ST6GALNAC3: variants seen among roughly 807,000 people sequenced by gnomAD.
ST6GALNAC3 encodes ST6 N-acetylgalactosaminide alpha-2,6-sialyltransferase 3.
In ST6GALNAC3, 25 loss-of-function variants were observed where a neutral mutation model predicts 32.7. The observed-to-expected ratio is 0.76, with a 90% CI of 0.56 to 1.07. ST6GALNAC3 has a LOEUF of 1.07. ST6GALNAC3 is among the 50% of genes least tolerant of loss of function. The probability of loss-of-function intolerance (pLI) is 0.00; values close to 1 mark genes in which losing one functional copy is unlikely to be tolerated. For synonymous variants in ST6GALNAC3, 129 were observed against 133.1 expected (o/e 0.97, Z 0.21); for missense variants, 355 against 382.4 (o/e 0.93, Z 0.60).
intron 1 of ST6GALNAC3, among the ~76,000 whole-genome samples, chr1:76,250,765 A>G (rs534851429): frequency 1.1e-4 from 16 of 152,270 alleles, no homozygotes; most frequent in Non-Finnish European, 1.6e-4. Context: ...CTGCCCTGTG[A>G]AGCATCTATG....
At chr1:76,578,156 A>T (rs903242568) in intron 3 of ST6GALNAC3, among the ~76,000 whole-genome samples, 2 of 152,072 alleles carry the variant, frequency 1.3e-5, no homozygotes, top group African/African-American at 2.4e-5. Context: ...CATGCCACAT[A>T]TTTGGCTTGC....
intron 1 of ST6GALNAC3, among the ~76,000 whole-genome samples, chr1:76,133,666 C>T (rs958756103): frequency 1.3e-4 from 20 of 152,240 alleles, no homozygotes; most frequent in African/African-American, 4.6e-4. Context: ...CTTTGGCAAA[C>T]CTGCTGACTT....
intron 1 of ST6GALNAC3, among the ~76,000 whole-genome samples, chr1:76,131,337 T>C (rs962245560): frequency 6.6e-6 from 1 of 152,220 alleles, no homozygotes; most frequent in African/African-American, 2.4e-5. Context: ...AAACCTGACT[T>C]GGGCTTGCTG....
At chr1:76,197,919 T>G (rs1654297018) in intron 1 of ST6GALNAC3, among the ~76,000 whole-genome samples, 1 of 152,244 alleles carries the variant, frequency 6.6e-6, no homozygotes. Flanking sequence ...TTTTGACAAC[T>G]AAAATGGTCT....
intron 1 of ST6GALNAC3, among the ~76,000 whole-genome samples, chr1:76,149,590 C>T (rs1310184405): frequency 6.6e-6 from 1 of 152,192 alleles, no homozygotes; most frequent in East Asian, 1.9e-4. Context: ...TCTATCAGCT[C>T]ACATAGCTGT....
At chr1:76,243,828 C>T (rs896208057) in intron 1 of ST6GALNAC3, among the ~76,000 whole-genome samples, 32 of 152,110 alleles carry the variant, frequency 2.1e-4, no homozygotes, top group African/African-American at 6.8e-4. Context: ...GGTACCAGTA[C>T]CATGCTGTTT....
chr1:76,299,057 TA>T (rs1660577281), intron 1 of ST6GALNAC3, among the ~76,000 whole-genome samples: 1 of 152,018 alleles, frequency 6.6e-6, no homozygotes, highest in South Asian at 2.1e-4. Flanking sequence ...ATAAAATGCA[TA>T]AAAATGTCAA....
chr1:76,433,409 G>T (rs539034331), intron 3 of ST6GALNAC3, among the ~76,000 whole-genome samples: 27 of 152,258 alleles, frequency 1.8e-4, no homozygotes, highest in African/African-American at 6.5e-4. Flanking sequence ...AGTTAACACA[G>T]TGGGTGGTGG....
At chr1:76,530,866 A>G (rs529863716) in intron 3 of ST6GALNAC3, among the ~76,000 whole-genome samples, 1 of 152,308 alleles carries the variant, frequency 6.6e-6, no homozygotes, top group East Asian at 1.9e-4. Context: ...ATTCTAGTCA[A>G]GACAACAAGG....
At chr1:76,103,624 C>T (rs1647329695) in intron 1 of ST6GALNAC3, among the ~76,000 whole-genome samples, 1 of 152,144 alleles carries the variant, frequency 6.6e-6, no homozygotes. Context: ...TATTCTCTCA[C>T]TGTTCAGGAG....
intron 2 of ST6GALNAC3, among the ~76,000 whole-genome samples, chr1:76,344,791 T>C (rs1240078030): frequency 6.6e-6 from 1 of 152,224 alleles, no homozygotes; most frequent in Non-Finnish European, 1.5e-5. Context: ...ATATCATTCT[T>C]GGGTACTTCC....
At chr1:76,515,607 T>C (rs1440510820) in intron 3 of ST6GALNAC3, among the ~76,000 whole-genome samples, 3 of 152,206 alleles carry the variant, frequency 2.0e-5, no homozygotes, top group Admixed American at 6.5e-5. Context: ...TTTGGTATGA[T>C]GTGTTTCCAT....
At chr1:76,530,521 G>A (rs749514183) in intron 3 of ST6GALNAC3, among the ~76,000 whole-genome samples, 2 of 152,224 alleles carry the variant, frequency 1.3e-5, no homozygotes, top group African/African-American at 2.4e-5. Context: ...GCTGAGCTGA[G>A]AGATGGAAAA....
rs1417532391 is a variant in ST6GALNAC3 at position 76,479,432 on chromosome 1, C to T, written c.623+67015C>T. On this transcript the variant is annotated intron_variant, in intron 3 of 4. Transcript: ENST00000328299. The stretch of plus-strand genomic sequence containing the variant: ...TGGGTAATTTATAATGATCAGGCTG[C>T]GTGACTTATGATGAACAGAAATATA... Among the ~76,000 whole-genome samples the T allele has an allele frequency of 3.9e-5, 6 of 152,208 alleles. No homozygotes were observed. In the South Asian group the frequency reaches 8.3e-4, roughly 21 times the overall value.
In ST6GALNAC3 at chr1:76,509,781, T is replaced by C. The variant is rs1661722777; in HGVS notation, c.623+97364T>C. On this transcript the variant is annotated intron_variant, in intron 3 of 4. Coordinates refer to ENST00000328299, the MANE Select transcript of ST6GALNAC3 (RefSeq NM_152996.4). The surrounding 1 kb of genome is among the most constrained non-coding windows in gnomAD (Gnocchi z 5.5). ...CCCACTCCACCAATTTCTGCTTCCA[T>C]TCTCACATATCTTTTCCTCACATTG... Among the ~76,000 whole-genome samples, 1 of 152,158 alleles carries C rather than the reference T, an allele frequency of 6.6e-6. No individual in the cohort carries two copies. Among genetic ancestry groups the C allele is most frequent in the Non-Finnish European group, 1.5e-5 (1 of 68,016 alleles).
intron 2 of ST6GALNAC3, among the ~76,000 whole-genome samples, chr1:76,367,995 T>C (rs1013816540): frequency 6.6e-6 from 1 of 152,200 alleles, no homozygotes; most frequent in African/African-American, 2.4e-5. Flanking sequence ...ACTACTTTGC[T>C]TTATACTATT....
intron 3 of ST6GALNAC3, among the ~76,000 whole-genome samples, chr1:76,621,677 G>T (rs920749739): frequency 6.6e-6 from 1 of 151,970 alleles, no homozygotes; most frequent in African/African-American, 2.4e-5. Flanking sequence ...ATCCCAAGGT[G>T]CTACTGATAA....
chr1:76,628,512 T>G, intron 4 of ST6GALNAC3, 108 bp from the exon 5 acceptor site: 1 of 1,020,470 alleles, frequency 9.8e-7, no homozygotes, highest in Non-Finnish European at 1.4e-6. Context: ...GAATCATGTA[T>G]GGGTTTGTGA....
intron 1 of ST6GALNAC3, among the ~76,000 whole-genome samples, chr1:76,176,637 T>C (rs1297668873): frequency 2.0e-5 from 3 of 152,184 alleles, no homozygotes; most frequent in South Asian, 2.1e-4. Context: ...CTTTTTTTTT[T>C]CCTAAACATA....
Sources: gnomAD v4.1 joint callset for allele counts (sites outside exome capture counted in the v4.1 genomes callset) on GRCh38, gnomAD v4.1.1 for gene constraint, Gnocchi (gnomAD v3.1) non-coding constraint, MANE v1.5 for transcripts, NCBI Gene and HGNC (gene_info 2026-07-23, HGNC 2026-07-21) for gene names.